The following FBXL2 variants were observed in gnomAD, a reference collection of about 807,000 sequenced individuals.
The protein encoded by FBXL2 is F-box and leucine rich repeat protein 2, also known as F-box/LRR-repeat protein 2.
In FBXL2, 38 loss-of-function variants were observed where a neutral mutation model predicts 69.2. The ratio of observed to expected loss-of-function variants is 0.55; its 90% CI spans 0.42 to 0.72. The LOEUF (loss-of-function observed/expected upper bound fraction) is 0.72. FBXL2 is among the 30% of genes least tolerant of loss of function. The pLI is 0.00. For synonymous variants in FBXL2, 192 were observed against 201.3 expected, an observed-to-expected ratio of 0.95 and a Z score of 0.39; for missense variants, 354 against 520.3, an observed-to-expected ratio of 0.68 and a Z score of 3.11.
At chr3:33,325,099 CTGTT>C (rs2038583565) in intron 2 of FBXL2, among the ~76,000 whole-genome samples, 2 of 152,096 alleles carry the variant, frequency 1.3e-5, no homozygotes, top group Non-Finnish European at 1.5e-5. Context: ...ATTTAGCTCT[CTGTT>C]TGTCTGTTAT....
intron 4 of FBXL2, among the ~76,000 whole-genome samples, chr3:33,362,601 A>G (rs2041702640): frequency 6.6e-6 from 1 of 152,196 alleles, no homozygotes; most frequent in South Asian, 2.1e-4. Flanking sequence ...AATGTTACTA[A>G]CTTGATATTC....
At chr3:33,411,796 T>C in the FBXL2 span, 15 of 818,298 alleles carry the variant, frequency 1.8e-5, no homozygotes, top group Non-Finnish European at 3.0e-5. Context: ...CTTTGAACTC[T>C]GTCTTTCAAT....
intron 2 of FBXL2, among the ~76,000 whole-genome samples, chr3:33,357,591 G>A (rs991317228): frequency 3.5e-5 from 5 of 144,858 alleles, no homozygotes; most frequent in Admixed American, 7.1e-5. Flanking sequence ...GTGCAGTGGC[G>A]CTATCTCGGC....
chr3:33,329,968 C>A (rs1474347480), intron 2 of FBXL2, among the ~76,000 whole-genome samples: 3 of 151,302 alleles, frequency 2.0e-5, no homozygotes, highest in Non-Finnish European at 4.4e-5. Context: ...CAGAGTGAGA[C>A]CCTGTTTTTT....
intron 5 of FBXL2, among the ~76,000 whole-genome samples, chr3:33,365,001 A>C (rs1347931429): frequency 6.6e-6 from 1 of 152,176 alleles, no homozygotes; most frequent in African/African-American, 2.4e-5. Context: ...GGACTGTCAT[A>C]GGCATAACAA....
intron 2 of FBXL2, among the ~76,000 whole-genome samples, chr3:33,321,338 AAAAAG>A (rs2038197794): frequency 6.6e-6 from 1 of 151,992 alleles, no homozygotes; most frequent in Non-Finnish European, 1.5e-5. Flanking sequence ...AAAAAAGAAA[AAAAAG>A]AAAAAGAAAA....
chr3:33,318,187 A>G (rs976352907), intron 2 of FBXL2, among the ~76,000 whole-genome samples: 4 of 152,156 alleles, frequency 2.6e-5, no homozygotes, highest in African/African-American at 7.2e-5. Flanking sequence ...CATCTGAAAC[A>G]TAGGTGTGGG....
At chr3:33,327,789 C>G (rs2038818782) in intron 2 of FBXL2, among the ~76,000 whole-genome samples, 1 of 151,972 alleles carries the variant, frequency 6.6e-6, no homozygotes, top group Non-Finnish European at 1.5e-5. Context: ...TAGATCAAAA[C>G]AAGGATGCCT....
intron 4 of FBXL2, among the ~76,000 whole-genome samples, chr3:33,361,077 G>T (rs1182977936): frequency 6.7e-6 from 1 of 148,622 alleles, no homozygotes; most frequent in Non-Finnish European, 1.5e-5. Context: ...GACTACAGGC[G>T]CCTGCCACCA....
At chr3:33,415,772 CAAAG>C in the FBXL2 span, among the ~76,000 whole-genome samples, 8 of 151,194 alleles carry the variant, frequency 5.3e-5, no homozygotes, top group Non-Finnish European at 1.5e-5. Flanking sequence ...AAACACAGAA[CAAAG>C]AAAGACAAAA....
chr3:33,361,049 A>G (rs1262979946), intron 4 of FBXL2, among the ~76,000 whole-genome samples: 1 of 144,722 alleles, frequency 6.9e-6, no homozygotes, highest in Non-Finnish European at 1.5e-5. Flanking sequence ...CTCCTGCCTC[A>G]GCCTCCCATG....
rs1437376892 is a variant in FBXL2, at chr3:33,311,786, G to A, written c.65+14061G>A. Among the ~76,000 whole-genome samples, 6 of 149,984 alleles carry A rather than the reference G, an allele frequency of 4.0e-5. No individual in the cohort carries two copies. The East Asian group carries it at 9.9e-4, about 25-fold the overall frequency. On this transcript the variant is annotated intron_variant, in intron 2 of 14. Coordinates refer to ENST00000484457, the MANE Select transcript of FBXL2 (RefSeq NM_012157.5). ...ACTACAGGCGCATGCCACCATGCCC[G>A]GCTAATTTTTTTGTATTTTAGTAGA...
At chr3:33,408,866 C>G in the FBXL2 span, 2,964 of 1,312,596 alleles carry the variant, frequency 2.3e-3, 5 homozygotes, top group Non-Finnish European at 2.4e-3. Flanking sequence ...CACCCTGTTT[C>G]ATGTCTCTTC....
At chr3:33,310,051 C>G (rs1041246838) in intron 2 of FBXL2, among the ~76,000 whole-genome samples, 1 of 152,128 alleles carries the variant, frequency 6.6e-6, no homozygotes. Context: ...CTTTCCTCCC[C>G]TTGACATTTT....
chr3:33,363,471 G>A (rs1164593472), intron 4 of FBXL2, among the ~76,000 whole-genome samples: 2 of 152,218 alleles, frequency 1.3e-5, no homozygotes, highest in Non-Finnish European at 2.9e-5. Context: ...CCTCCCTTGT[G>A]GAGGTAGAGG....
At chr3:33,310,729 T>C (rs2037117888) in intron 2 of FBXL2, among the ~76,000 whole-genome samples, 1 of 152,076 alleles carries the variant, frequency 6.6e-6, no homozygotes, top group Non-Finnish European at 1.5e-5. Context: ...CAGCTTTGCC[T>C]GGGTAAAGTA....
chr3:33,280,447 G>A (rs978449053), intron 1 of FBXL2, among the ~76,000 whole-genome samples: 2 of 152,082 alleles, frequency 1.3e-5, no homozygotes, highest in Admixed American at 6.6e-5. Flanking sequence ...AGTGGCTCAC[G>A]CCTGTAATCC....
chr3:33,396,072 A>C, intron 12 of FBXL2: 4 of 1,207,980 alleles, frequency 3.3e-6, no homozygotes, highest in Non-Finnish European at 4.6e-6. Flanking sequence ...TAACACAGCA[A>C]GAGTTCTCCA....
Position 33,359,017 on chromosome 3 carries a change from C to G in FBXL2, c.116C>G (p.Ser39Cys). The stretch of plus-strand genomic sequence containing the variant: ...ACTTTGTGCCGATGTGCACAGATTT[C>G]CAAGGTAGAGTATTCACCAGATTTT... ...IVTLCRCAQI[S>C]KAWNILALDG... Residue 39 changes from serine (S) to cysteine (C), a missense_variant, in exon 3 of 15, where the codon TCC (serine) becomes TGC (cysteine). By Grantham distance (112) the Ser-to-Cys change is moderately radical. Transcript: ENST00000484457. 4 of 1,542,596 alleles carry G rather than the reference C, an allele frequency of 2.6e-6. No individual in the cohort carries two copies. Among genetic ancestry groups the G allele is most frequent in the Non-Finnish European group, 3.5e-6 (4 of 1,137,614 alleles).
Sources: gnomAD v4.1 joint callset for allele counts (sites outside exome capture counted in the v4.1 genomes callset) on GRCh38, gnomAD v4.1.1 for gene constraint, MANE v1.5 for transcripts, NCBI Gene and HGNC (gene_info 2026-07-23, HGNC 2026-07-21) for gene names.